GRM5: variants seen among roughly 807,000 people sequenced by gnomAD.
GRM5 encodes glutamate metabotropic receptor 5.
In GRM5, 19 loss-of-function variants were observed where a neutral mutation model predicts 83.1. That is an observed-to-expected ratio of 0.23 (90% CI 0.16 to 0.34). The LOEUF (loss-of-function observed/expected upper bound fraction) is 0.34. Ranked by LOEUF, GRM5 falls within the 10% of genes least tolerant of loss-of-function variation. The pLI is 1.00. For missense variants in GRM5, 1,160 were observed against 1,588.3 expected (o/e 0.73, Z 4.58); for synonymous variants, 675 against 633.6 (o/e 1.07, Z -0.98).
At chr11:88,864,411 G>T (rs887642696) in intron 2 of GRM5, among the ~76,000 whole-genome samples, 1 of 151,898 alleles carries the variant, frequency 6.6e-6, no homozygotes, top group Non-Finnish European at 1.5e-5. Context: ...GTATTCTTAG[G>T]TATTTTATTC....
Position 88,863,117 on chromosome 11 carries a change from G to A in GRM5, c.662-12962C>T, listed in dbSNP as rs368256651. On this transcript the variant is annotated intron_variant, in intron 2 of 9. Transcript: ENST00000305447. Reference sequence around the variant, plus strand: ...TTTAAAAAGTAAAGAAATAACAGATGCTGGTGAGGTTGTGGAGAAATGGGA... The same window carrying A: ...TTTAAAAAGTAAAGAAATAACAGATACTGGTGAGGTTGTGGAGAAATGGGA... 2.9e-4 allele frequency among the ~76,000 whole-genome samples: 44 copies of A among 152,180 alleles called. No individual in the cohort carries two copies. The South Asian group carries it at 9.1e-3, about 32-fold the overall frequency.
At chr11:88,554,301 A>T (rs1278313211) in intron 8 of GRM5, among the ~76,000 whole-genome samples, 2 of 152,108 alleles carry the variant, frequency 1.3e-5, no homozygotes, top group East Asian at 3.9e-4. Context: ...CCCTCTTGTA[A>T]TATCTTTGTG....
At chr11:88,602,346 C>A (rs1055756385) in intron 5 of GRM5, among the ~76,000 whole-genome samples, 1 of 152,106 alleles carries the variant, frequency 6.6e-6, no homozygotes, top group African/African-American at 2.4e-5. Context: ...TTCATTAGAG[C>A]ATTGGGTACT....
chr11:88,919,548 G>A (rs1160240800), intron 2 of GRM5, among the ~76,000 whole-genome samples: 2 of 151,160 alleles, frequency 1.3e-5, no homozygotes, highest in African/African-American at 2.4e-5. Flanking sequence ...AGATCAAATG[G>A]ATCTAATAGA....
intron 3 of GRM5, among the ~76,000 whole-genome samples, chr11:88,669,468 C>A (rs1940137397): frequency 6.6e-6 from 1 of 151,822 alleles, no homozygotes; most frequent in Non-Finnish European, 1.5e-5. Context: ...AAGGTTCTAG[C>A]AAGTTTAATA....
intron 3 of GRM5, among the ~76,000 whole-genome samples, chr11:88,726,434 A>C (rs1024914167): frequency 6.6e-6 from 1 of 152,182 alleles, no homozygotes; most frequent in Non-Finnish European, 1.5e-5. Flanking sequence ...GAAAGTGATG[A>C]GGAGAATGAA....
Position 88,597,369 on chromosome 11 carries a change from T to C in GRM5, c.1395-17A>G. On this transcript the variant is annotated splice_polypyrimidine_tract_variant and intron_variant, in intron 5 of 9. Transcript: ENST00000305447. ...ATTTCATACCTTAGGAATAAGAATA[T>C]GATAATTATGCAGCTTAAGATGTAA... 7.7e-7 allele frequency: 1 copy of C among 1,304,084 alleles called. No individual in the cohort carries two copies. 80.8% of individuals were successfully genotyped at this position (1,304,084 alleles called of 1,614,324 possible).
intron 2 of GRM5, among the ~76,000 whole-genome samples, chr11:89,038,097 T>G (rs1318812528): frequency 6.6e-6 from 1 of 152,034 alleles, no homozygotes; most frequent in African/African-American, 2.4e-5. Flanking sequence ...AGTTATCCAC[T>G]ATTTGAAAAA....
At chr11:88,696,081 A>T (rs1365093803) in intron 3 of GRM5, among the ~76,000 whole-genome samples, 1 of 152,132 alleles carries the variant, frequency 6.6e-6, no homozygotes, top group Non-Finnish European at 1.5e-5. Context: ...TGGAGGATAG[A>T]TACAAAGTTT....
intron 4 of GRM5, among the ~76,000 whole-genome samples, chr11:88,643,944 G>C (rs1393203915): frequency 6.6e-6 from 1 of 152,160 alleles, no homozygotes; most frequent in Non-Finnish European, 1.5e-5. Context: ...ATTCATCAGA[G>C]AGATTGTAGA....
At chr11:88,936,898 A>T (rs1937918694) in intron 2 of GRM5, among the ~76,000 whole-genome samples, 2 of 151,888 alleles carry the variant, frequency 1.3e-5, no homozygotes, top group South Asian at 4.1e-4. Context: ...TGAAATAGTA[A>T]TCACTTTGAA....
intron 4 of GRM5, among the ~76,000 whole-genome samples, chr11:88,648,710 T>C (rs1939538069): frequency 1.3e-5 from 2 of 151,936 alleles, no homozygotes; most frequent in African/African-American, 4.8e-5. Context: ...TTTTGTAATA[T>C]TTGTAAGAAA....
At chr11:88,581,312 T>A (rs867094156) in intron 7 of GRM5, among the ~76,000 whole-genome samples, 1 of 152,224 alleles carries the variant, frequency 6.6e-6, no homozygotes, top group African/African-American at 2.4e-5. Context: ...TTGTATGCTA[T>A]AAAATAGCTC....
intron 3 of GRM5, among the ~76,000 whole-genome samples, chr11:88,833,011 T>C (rs978662922): frequency 7.2e-5 from 11 of 151,756 alleles, no homozygotes; most frequent in African/African-American, 2.4e-4. Flanking sequence ...ATAAAACTAC[T>C]AAAAGAAAAC....
intron 2 of GRM5, among the ~76,000 whole-genome samples, chr11:88,962,838 C>G (rs1420924144): frequency 1.3e-5 from 2 of 152,192 alleles, no homozygotes; most frequent in African/African-American, 4.8e-5. Context: ...CGCCTGAAAT[C>G]CCAGCACTTT....
rs536298711 is a variant in GRM5 at position 88,838,053 on chromosome 11, C to G, written c.911+11853G>C. ...TGAGACCAGATCGCGCCACTGCACT[C>G]CAGCCTGGGTGACAGAGCGAGACTC... On this transcript the variant is annotated intron_variant, in intron 3 of 9. Coordinates refer to ENST00000305447, the MANE Select transcript of GRM5 (RefSeq NM_001143831.3). Among the ~76,000 whole-genome samples the G allele has an allele frequency of 3.5e-4, 44 of 125,558 alleles. No individual in the cohort carries two copies. The South Asian group carries it at 0.012, about 33-fold the overall frequency. The allele number at this position is 125,558 out of a possible 152,430, so 82.4% of individuals were successfully genotyped here.
At chr11:88,669,027 A>G (rs1940124875) in intron 3 of GRM5, among the ~76,000 whole-genome samples, 1 of 152,162 alleles carries the variant, frequency 6.6e-6, no homozygotes, top group East Asian at 1.9e-4. Context: ...TTAAAAATTG[A>G]ATTGCCATAT....
chr11:88,746,578 A>G (rs905428792), intron 3 of GRM5, among the ~76,000 whole-genome samples: 9 of 152,120 alleles, frequency 5.9e-5, no homozygotes, highest in Non-Finnish European at 1.0e-4. Context: ...GACAAAAAAA[A>G]AAAAATAAGC....
intron 3 of GRM5, among the ~76,000 whole-genome samples, chr11:88,686,896 G>C (rs1940639410): frequency 6.6e-6 from 1 of 151,926 alleles, no homozygotes; most frequent in Non-Finnish European, 1.5e-5. Context: ...TCATGGCACT[G>C]ACCAGATTTT....
Sources: allele counts gnomAD v4.1 joint callset (sites outside exome capture counted in the v4.1 genomes callset), GRCh38; gene constraint gnomAD v4.1.1; transcripts MANE v1.5; gene names NCBI Gene and HGNC (gene_info 2026-07-23, HGNC 2026-07-21).